Variants in PXDNL observed in about 807,000 individuals in gnomAD.
The protein encoded by PXDNL is probable oxidoreductase PXDNL.
PXDNL carries 145 observed loss-of-function variants against 150.8 expected under a neutral mutation model. The ratio of observed to expected loss-of-function variants is 0.96; its 90% confidence interval spans 0.84 to 1.10. The LOEUF (loss-of-function observed/expected upper bound fraction) is 1.10. PXDNL is among the 50% of genes least tolerant of loss of function. The pLI, the probability that PXDNL is intolerant of heterozygous loss-of-function variation, is 0.00. For synonymous variants in PXDNL, 757 were observed against 725.7 expected (o/e 1.04, Z -0.69); for missense variants, 2,087 against 1,873.9 (o/e 1.11, Z -2.10).
intron 17 of PXDNL, among the ~76,000 whole-genome samples, chr8:51,396,673 G>T (rs1280337692): frequency 2.0e-5 from 3 of 152,176 alleles, no homozygotes; most frequent in Non-Finnish European, 2.9e-5. Flanking sequence ...CAGGAGAAAC[G>T]CTTGAACGTG....
chr8:51,584,200 G>A (rs1412382482), intron 3 of PXDNL, among the ~76,000 whole-genome samples: 1 of 152,116 alleles, frequency 6.6e-6, no homozygotes, highest in Non-Finnish European at 1.5e-5. Flanking sequence ...TGATGAAAAC[G>A]GATTCAGAGC....
At chr8:51,375,692 A>G (rs1298641139) in intron 17 of PXDNL, among the ~76,000 whole-genome samples, 1 of 152,208 alleles carries the variant, frequency 6.6e-6, no homozygotes, top group East Asian at 1.9e-4. Context: ...CTGGTGATGA[A>G]TACTTGTGAG....
intron 1 of PXDNL, among the ~76,000 whole-genome samples, chr8:51,696,597 T>A (rs1313628195): frequency 3.1e-5 from 2 of 65,266 alleles, no homozygotes; most frequent in African/African-American, 1.1e-4. Flanking sequence ...CCCATGACTT[T>A]CTCTGTGCCG....
At chr8:51,607,534 T>C (rs1813862342) in intron 2 of PXDNL, among the ~76,000 whole-genome samples, 1 of 152,010 alleles carries the variant, frequency 6.6e-6, no homozygotes, top group East Asian at 1.9e-4. Flanking sequence ...CCAATACTGC[T>C]TGGCACTGTA....
intron 17 of PXDNL, among the ~76,000 whole-genome samples, chr8:51,377,370 C>T (rs199837905): frequency 1.1e-4 from 17 of 152,268 alleles, no homozygotes; most frequent in South Asian, 4.1e-4. Context: ...AGCCCTCACT[C>T]GCTGTCGCGG....
At chr8:51,435,036 T>C (rs914747979) in intron 12 of PXDNL, among the ~76,000 whole-genome samples, 1 of 152,176 alleles carries the variant, frequency 6.6e-6, no homozygotes, top group Admixed American at 6.5e-5. Flanking sequence ...GAGTCTTCAT[T>C]GGCCGGATGC....
At chr8:51,462,396 A>G (rs1287525197) in intron 8 of PXDNL, among the ~76,000 whole-genome samples, 8 of 152,240 alleles carry the variant, frequency 5.3e-5, no homozygotes, top group Admixed American at 5.2e-4. Context: ...TAATCCAAGG[A>G]AGCCAATAGA....
intron 12 of PXDNL, chr8:51,436,406 T>G (rs1297505341): frequency 2.5e-6 from 1 of 405,466 alleles, no homozygotes; most frequent in Non-Finnish European, 5.0e-6. Flanking sequence ...CATTGCCATG[T>G]CATAAGATCC....
chr8:51,679,928 A>G (rs1310317224), intron 1 of PXDNL, among the ~76,000 whole-genome samples: 1 of 152,224 alleles, frequency 6.6e-6, no homozygotes, highest in Non-Finnish European at 1.5e-5. Flanking sequence ...CCTGGGACAC[A>G]TGCTCATTAG....
intron 2 of PXDNL, among the ~76,000 whole-genome samples, chr8:51,647,706 T>G (rs1284221350): frequency 6.6e-6 from 1 of 152,184 alleles, no homozygotes; most frequent in African/African-American, 2.4e-5. Flanking sequence ...ACTGACAAAG[T>G]TAACTGACTT....
intron 1 of PXDNL, among the ~76,000 whole-genome samples, chr8:51,661,917 A>G (rs1178503785): frequency 6.6e-6 from 1 of 150,632 alleles, no homozygotes; most frequent in East Asian, 1.9e-4. Flanking sequence ...CAGCACTTAT[A>G]CATAAAAAGG....
chr8:51,661,122 G>A (rs536045387), intron 1 of PXDNL, among the ~76,000 whole-genome samples: 1 of 152,276 alleles, frequency 6.6e-6, no homozygotes, highest in Admixed American at 6.5e-5. Flanking sequence ...TGTAGAAATT[G>A]GAAATACATT....
chr8:51,759,206 G>A (rs138521628), intron 1 of PXDNL, among the ~76,000 whole-genome samples: 1 of 152,246 alleles, frequency 6.6e-6, no homozygotes, highest in African/African-American at 2.4e-5. Flanking sequence ...CAGCCACTAA[G>A]CTCTAGCCAA....
At chr8:51,521,287 C>T (rs1223270826) in intron 4 of PXDNL, among the ~76,000 whole-genome samples, 1 of 151,468 alleles carries the variant, frequency 6.6e-6, no homozygotes, top group South Asian at 2.1e-4. Flanking sequence ...AAGTAAATGA[C>T]TTATAAGACT....
At chr8:51,327,431 A>T (rs1805547899) in intron 21 of PXDNL, among the ~76,000 whole-genome samples, 1 of 152,224 alleles carries the variant, frequency 6.6e-6, no homozygotes, top group Non-Finnish European at 1.5e-5. Flanking sequence ...GAAAATTTAG[A>T]AGAGCTTTCT....
chr8:51,634,407 G>T (rs983896917), intron 2 of PXDNL, among the ~76,000 whole-genome samples: 1 of 152,048 alleles, frequency 6.6e-6, no homozygotes, highest in African/African-American at 2.4e-5. Flanking sequence ...TTGAAGTTGG[G>T]TTATGTGATG....
intron 3 of PXDNL, among the ~76,000 whole-genome samples, chr8:51,563,797 ACACCT>A (rs1241955593): frequency 3.3e-5 from 5 of 152,012 alleles, no homozygotes; most frequent in Non-Finnish European, 7.4e-5. Flanking sequence ...CAAAAGTTGC[ACACCT>A]CAGTCTCTGT....
At chr8:51,464,075 T>C (rs1810146476) in intron 8 of PXDNL, among the ~76,000 whole-genome samples, 1 of 147,520 alleles carries the variant, frequency 6.8e-6, no homozygotes, top group South Asian at 2.1e-4. Flanking sequence ...GAAGAAAAAA[T>C]ATAACTGACT....
At chr8:51,574,707 G>T in intron 3 of PXDNL, among the ~76,000 whole-genome samples, 1 of 152,038 alleles carries the variant, frequency 6.6e-6, no homozygotes, top group Admixed American at 6.6e-5. Context: ...TCATAGGTAT[G>T]ACAGCAGATT....
Sources: gnomAD v4.1 joint callset for allele counts (sites outside exome capture counted in the v4.1 genomes callset) on GRCh38, gnomAD v4.1.1 for gene constraint, MANE v1.5 for transcripts, NCBI Gene and HGNC (gene_info 2026-07-23, HGNC 2026-07-21) for gene names.